Variants in SSBP3 observed in about 807,000 individuals in gnomAD.
SSBP3 encodes the protein single-stranded DNA-binding protein 3.
SSBP3 carries 5 observed loss-of-function variants against 69.6 expected under a neutral mutation model. That is an observed-to-expected ratio of 0.07 (90% CI 0.04 to 0.15). The LOEUF (loss-of-function observed/expected upper bound fraction) is 0.15, where lower values mean the gene tolerates loss of function less well. SSBP3 is among the 10% of genes least tolerant of loss of function. The probability of loss-of-function intolerance (pLI) is 1.00; values close to 1 mark genes in which losing one functional copy is unlikely to be tolerated. For synonymous variants in SSBP3, 196 were observed against 193.4 expected, an observed-to-expected ratio of 1.01 and a Z score of -0.11; for missense variants, 312 against 534.0, an observed-to-expected ratio of 0.58 and a Z score of 4.10.
chr1:54,247,027 G>A (rs1288272540), intron 9 of SSBP3, among the ~76,000 whole-genome samples: 2 of 152,222 alleles, frequency 1.3e-5, no homozygotes, highest in Admixed American at 1.3e-4. Flanking sequence ...GGGACAGCTG[G>A]GCAGAGAGCA....
chr1:54,313,760 A>G (rs1177978985), intron 4 of SSBP3, among the ~76,000 whole-genome samples: 1 of 151,364 alleles, frequency 6.6e-6, no homozygotes, highest in African/African-American at 2.4e-5. Flanking sequence ...GAGGGAGACT[A>G]GGATTTTTAC....
At chr1:54,261,359 G>A (rs1365507995) in intron 5 of SSBP3, among the ~76,000 whole-genome samples, 1 of 152,240 alleles carries the variant, frequency 6.6e-6, no homozygotes, top group East Asian at 1.9e-4. Context: ...AGGTAGGTTT[G>A]AAGAAGACGG....
chr1:54,363,907 G>A (rs1204663952), intron 4 of SSBP3, among the ~76,000 whole-genome samples: 2 of 152,162 alleles, frequency 1.3e-5, no homozygotes, highest in East Asian at 1.9e-4. Context: ...GCCTGGACAG[G>A]CCACCTCCCC....
chr1:54,400,932 C>T (rs1649246397), intron 4 of SSBP3, among the ~76,000 whole-genome samples: 1 of 152,220 alleles, frequency 6.6e-6, no homozygotes, highest in East Asian at 1.9e-4. Context: ...TTCCCAGGAT[C>T]ATTCCTACCC....
intron 13 of SSBP3, 55 bp downstream of exon 13, chr1:54,240,849 CA>C: frequency 6.2e-7 from 1 of 1,609,982 alleles, no homozygotes; most frequent in Non-Finnish European, 8.5e-7. Context: ...GTCTCTCTGG[CA>C]ACATGCCCCA....
chr1:54,310,155 C>G (rs1324151933), intron 4 of SSBP3, among the ~76,000 whole-genome samples: 1 of 152,290 alleles, frequency 6.6e-6, no homozygotes, highest in Admixed American at 6.5e-5. Context: ...GCCCGGCTGA[C>G]AAGATGCCCG....
intron 4 of SSBP3, among the ~76,000 whole-genome samples, chr1:54,290,937 GCACACA>G (rs952365542): frequency 6.6e-6 from 1 of 151,880 alleles, no homozygotes; most frequent in African/African-American, 2.4e-5. Context: ...ACACACACAC[GCACACA>G]CACACATTTC....
intron 4 of SSBP3, among the ~76,000 whole-genome samples, chr1:54,313,020 CTTTTTTT>C (rs534805502): frequency 8.2e-6 from 1 of 121,358 alleles, no homozygotes; most frequent in African/African-American, 3.2e-5. Context: ...GTGCCTGGAG[CTTTTTTT>C]TTTTTTTTTT....
At chr1:54,281,599 C>T in intron 4 of SSBP3, 72 bp from the exon 5 acceptor site, 1 of 1,390,088 alleles carries the variant, frequency 7.2e-7, no homozygotes, top group Non-Finnish European at 1.0e-6. Context: ...GACCCCTGGA[C>T]TTGGCTCTCC....
chr1:54,321,085 G>A (rs1363987025), intron 4 of SSBP3, among the ~76,000 whole-genome samples: 1 of 152,200 alleles, frequency 6.6e-6, no homozygotes, highest in African/African-American at 2.4e-5. Flanking sequence ...GTATAGCCAA[G>A]AACTCCCAAG....
intron 14 of SSBP3, 101 bp downstream of exon 14, chr1:54,239,028 A>C (rs1312407316): frequency 9.4e-7 from 1 of 1,059,126 alleles, no homozygotes; most frequent in East Asian, 2.4e-5. Flanking sequence ...CTTTGGTAAC[A>C]AATGGCTGAA....
chr1:54,256,994 G>A (rs975732459), intron 7 of SSBP3, 133 bp downstream of exon 7: 90 of 888,638 alleles, frequency 1.0e-4, no homozygotes, highest in Non-Finnish European at 1.4e-4. Context: ...GGAACAGCTA[G>A]TAAGCTACCA....
intron 7 of SSBP3, among the ~76,000 whole-genome samples, 196 bp from the exon 8 acceptor site, chr1:54,252,056 A>C (rs527438396): frequency 6.6e-6 from 1 of 152,208 alleles, no homozygotes; most frequent in African/African-American, 2.4e-5. Flanking sequence ...GTTAGCTATA[A>C]CTGTGGCGTT....
chr1:54,290,776 A>ATG (rs1296959624), intron 4 of SSBP3, among the ~76,000 whole-genome samples: 2 of 152,248 alleles, frequency 1.3e-5, no homozygotes, highest in East Asian at 3.8e-4. Context: ...GGTCCCAGGC[A>ATG]TGTGCATGCA....
intron 4 of SSBP3, among the ~76,000 whole-genome samples, chr1:54,298,380 A>G: frequency 6.6e-6 from 1 of 152,212 alleles, no homozygotes; most frequent in East Asian, 1.9e-4. Context: ...TCAGCGAAGC[A>G]GTCCCAGCAA....
At chr1:54,279,619 C>A (rs560034784) in intron 5 of SSBP3, among the ~76,000 whole-genome samples, 2 of 152,338 alleles carry the variant, frequency 1.3e-5, no homozygotes, top group South Asian at 4.1e-4. Flanking sequence ...CCACCAGACA[C>A]GGAAGCCACA....
chr1:54,401,341 C>T (rs1218192811), intron 4 of SSBP3, among the ~76,000 whole-genome samples: 4 of 151,868 alleles, frequency 2.6e-5, no homozygotes, highest in Admixed American at 6.6e-5. Flanking sequence ...GAGTACAAAT[C>T]GTCTTAGCAG....
chr1:54,337,085 C>T (rs1444512010), intron 4 of SSBP3, among the ~76,000 whole-genome samples: 1 of 152,252 alleles, frequency 6.6e-6, no homozygotes, highest in East Asian at 1.9e-4. Flanking sequence ...GCAGGTGAGA[C>T]ACACTGCTTC....
At chr1:54,344,769 T>C (rs1196164552) in intron 4 of SSBP3, among the ~76,000 whole-genome samples, 1 of 152,162 alleles carries the variant, frequency 6.6e-6, no homozygotes, top group Non-Finnish European at 1.5e-5. Context: ...CCCAATGCTT[T>C]GGGAGGCCAA....
Sources: gnomAD v4.1 joint callset for allele counts (sites outside exome capture counted in the v4.1 genomes callset) on GRCh38, gnomAD v4.1.1 for gene constraint, MANE v1.5 for transcripts, NCBI Gene and HGNC (gene_info 2026-07-23, HGNC 2026-07-21) for gene names.